LRRC61: variants seen among roughly 807,000 people sequenced by gnomAD.
LRRC61 encodes the protein leucine-rich repeat-containing protein 61.
A neutral mutation model predicts 15.1 loss-of-function variants in LRRC61; 9 were observed. The ratio of observed to expected loss-of-function variants is 0.60; its 90% CI spans 0.36 to 1.04. The LOEUF (loss-of-function observed/expected upper bound fraction) is 1.04, where lower values mean the gene tolerates loss of function less well. Among genes scored for constraint, LRRC61 ranks in the 50% least tolerant of loss-of-function variants. The pLI is 0.01. For missense variants in LRRC61, 344 were observed against 335.6 expected (o/e 1.03, Z -0.20); for synonymous variants, 173 against 158.6 (o/e 1.09, Z -0.68).
chr7:150,319,622 G>A (rs190773279), upstream of LRRC61, among the ~76,000 whole-genome samples: 1 of 152,328 alleles, frequency 6.6e-6, no homozygotes, highest in East Asian at 1.9e-4. Flanking sequence ...TGGGAAGATG[G>A]AGGCAAAGCA....
the LRRC61 span, among the ~76,000 whole-genome samples, chr7:150,309,632 C>G: frequency 6.6e-6 from 1 of 152,304 alleles, no homozygotes; most frequent in South Asian, 2.1e-4. Context: ...ATTCAAGTGC[C>G]GCAAAACTGG....
upstream of LRRC61, among the ~76,000 whole-genome samples, chr7:150,320,675 A>G (rs555977116): frequency 6.6e-6 from 1 of 152,342 alleles, no homozygotes; most frequent in Non-Finnish European, 1.5e-5. Flanking sequence ...AAGCAGGAGA[A>G]TCACTTGAAC....
chr7:150,333,820 G>T lies in LRRC61; in HGVS notation c.-144-2898G>T. On this transcript the variant is annotated intron_variant, in intron 2 of 2. Transcript: ENST00000359623. This position sits in a 1 kb window ranked among gnomAD's most constrained non-coding sequence, Gnocchi z 4.3. ...GGCAGCCTGATGGTTAGTTGGGTCT[G>T]CACAGGTGGGCGCCGGCTGGTTCTC... 1 of 867,808 alleles carries T rather than the reference G, an allele frequency of 1.2e-6. No individual in the cohort carries two copies. Among genetic ancestry groups the T allele is most frequent in the Non-Finnish European group, 1.4e-6 (1 of 722,820 alleles). The allele number at this position is 867,808 out of a possible 1,614,324, so 53.8% of individuals were successfully genotyped here.
rs1798258543 is a variant in LRRC61 at position 150,335,462 on chromosome 7, G to C, written c.-144-1256G>C. Among the ~76,000 whole-genome samples, 1 of 152,232 alleles carries C rather than the reference G, an allele frequency of 6.6e-6. No homozygotes were observed. Among genetic ancestry groups the C allele is most frequent in the African/African-American group, 2.4e-5 (1 of 41,460 alleles). ...ACAAGGACTCCCCTTTCCAGATGGG[G>C]TGTAGAGGACATAAGGATGGCAAGA... On this transcript the variant is annotated intron_variant, in intron 2 of 2. Coordinates refer to ENST00000359623, the MANE Select transcript of LRRC61 (RefSeq NM_001142928.2). This position sits in a 1 kb window ranked among gnomAD's most constrained non-coding sequence, Gnocchi z 4.3.
intron 2 of LRRC61, among the ~76,000 whole-genome samples, chr7:150,328,361 C>T (rs985278739): frequency 1.3e-5 from 2 of 152,084 alleles, no homozygotes; most frequent in Non-Finnish European, 2.9e-5. Context: ...ATTTTTCTCT[C>T]AATACAAAAA....
chr7:150,330,311 G>A lies in LRRC61; in HGVS notation c.-145+4301G>A, dbSNP rs536194361. 153 of 714,078 alleles carry A rather than the reference G, an allele frequency of 2.1e-4. No homozygotes were observed. In the Middle Eastern group the frequency reaches 3.8e-3, roughly 18 times the overall value. 44.2% of individuals were successfully genotyped at this position (714,078 alleles called of 1,614,324 possible). A position where few individuals can be genotyped will look rare whatever the true frequency, so the allele number is the denominator to read the frequency against. On this transcript the variant is annotated intron_variant, in intron 2 of 2. Coordinates refer to ENST00000359623, the MANE Select transcript of LRRC61 (RefSeq NM_001142928.2). This position sits in a 1 kb window ranked among gnomAD's most constrained non-coding sequence, Gnocchi z 4.6. ...AGCAGCAGCCCCTTCAAGAGTACAA[G>A]GGCAGGCACCAGCTGGGGAAGGCTG...
chr7:150,316,156 C>T, the LRRC61 span, among the ~76,000 whole-genome samples: 1 of 152,198 alleles, frequency 6.6e-6, no homozygotes, highest in Non-Finnish European at 1.5e-5. Context: ...GAGATCACGC[C>T]ATTGCACTCC....
chr7:150,329,431 C>G (rs779574579), intron 2 of LRRC61, among the ~76,000 whole-genome samples: 4 of 152,248 alleles, frequency 2.6e-5, no homozygotes, highest in Admixed American at 1.3e-4. Flanking sequence ...TCCCATCGCA[C>G]TGGCCTGGAG....
At chr7:150,325,623 C>A (rs1797943051) in intron 1 of LRRC61, among the ~76,000 whole-genome samples, 1 of 152,192 alleles carries the variant, frequency 6.6e-6, no homozygotes, top group Admixed American at 6.5e-5. Context: ...CAGGCCATCA[C>A]AGCTGGCTGA....
chr7:150,333,924 T>G lies in LRRC61; in HGVS notation c.-144-2794T>G. On this transcript the variant is annotated intron_variant, in intron 2 of 2. Transcript: ENST00000359623. The surrounding 1 kb of genome is among the most constrained non-coding windows in gnomAD (Gnocchi z 4.3). ...CAGAGGTCACTGACCCCCAAGAGAA[T>G]GAGGGTTATGCACGACCCATCACCA... 1 of 984,458 alleles carries G rather than the reference T, an allele frequency of 1.0e-6. No individual in the cohort carries two copies. Among genetic ancestry groups the G allele is most frequent in the Non-Finnish European group, 1.2e-6 (1 of 829,628 alleles). 61.0% of individuals were successfully genotyped at this position (984,458 alleles called of 1,614,324 possible).
Position 150,330,953 on chromosome 7 carries a change from C to A in LRRC61, c.-145+4943C>A, listed in dbSNP as rs764320737. ...TGCTGGCCTCTGAGAGAAGCGGGGG[C>A]TCGCTGTCCACCAAGAGCCACTGGG... On this transcript the variant is annotated intron_variant, in intron 2 of 2. Transcript: ENST00000359623. This position sits in a 1 kb window ranked among gnomAD's most constrained non-coding sequence, Gnocchi z 4.6. 6.2e-7 allele frequency: 1 copy of A among 1,612,046 alleles called. No homozygotes were observed. Among genetic ancestry groups the A allele is most frequent in the Non-Finnish European group, 8.5e-7 (1 of 1,179,916 alleles).
At chr7:150,331,346 G>A (rs1443684527) in intron 2 of LRRC61, 12 of 502,808 alleles carry the variant, frequency 2.4e-5, no homozygotes, top group African/African-American at 3.9e-5. Flanking sequence ...CACCCTGCCC[G>A]TGAACTCCTA....
At chr7:150,324,163 G>A (rs1797844417) in intron 1 of LRRC61, among the ~76,000 whole-genome samples, 1 of 152,106 alleles carries the variant, frequency 6.6e-6, no homozygotes, top group African/African-American at 2.4e-5. Context: ...TCTTCTCACA[G>A]ATGTTGTGGA....
In LRRC61 at chr7:150,333,163, G is replaced by A. The variant is rs373775141; in HGVS notation, c.-144-3555G>A. On this transcript the variant is annotated intron_variant, in intron 2 of 2. Coordinates refer to ENST00000359623, the MANE Select transcript of LRRC61 (RefSeq NM_001142928.2). The surrounding 1 kb of genome is among the most constrained non-coding windows in gnomAD (Gnocchi z 4.3). ...CTAGAATGGTGAGGCAGCGAGGCTC[G>A]GGAGAAGAACGTGAGAAGATTGGGT... is the stretch of plus-strand genomic sequence containing the variant. 1.5e-4 allele frequency among the ~76,000 whole-genome samples: 23 copies of A among 152,286 alleles called. No individual in the cohort carries two copies. In the South Asian group the frequency reaches 3.5e-3, roughly 23 times the overall value.
At chr7:150,332,986 C>T (rs972327523) in intron 2 of LRRC61, among the ~76,000 whole-genome samples, 4 of 152,128 alleles carry the variant, frequency 2.6e-5, no homozygotes, top group African/African-American at 4.8e-5. Context: ...GGGGAGGATC[C>T]GAGAATGTGA....
At chr7:150,331,521 C>G (rs890261998) in intron 2 of LRRC61, 2 of 185,820 alleles carry the variant, frequency 1.1e-5, no homozygotes, top group Admixed American at 5.8e-5. Flanking sequence ...TTCCATCTCC[C>G]GATTACTTCC....
chr7:150,337,282 T>A lies in LRRC61; in HGVS notation c.421T>A (p.Cys141Ser). The stretch of plus-strand genomic sequence containing the variant: ...TTTGGCCCGGCTCAGCAACCCGCTC[T>A]GTGCCAACCCCTCCTACTGGGCTGC... ...DPLARLSNPL[C>S]ANPSYWAAVR... is the part of the protein sequence containing the mutation. Residue 141 changes from cysteine to serine, a missense_variant, in exon 3 of 3, where the codon TGT becomes AGT. Cys to Ser is a moderately radical substitution (Grantham distance 112, BLOSUM62 -1). Transcript: ENST00000359623. 1 of 1,603,666 alleles carries A rather than the reference T, an allele frequency of 6.2e-7. No homozygotes were observed. Among genetic ancestry groups the A allele is most frequent in the Non-Finnish European group, 8.5e-7 (1 of 1,179,904 alleles).
the LRRC61 span, among the ~76,000 whole-genome samples, chr7:150,317,705 T>C: frequency 1.3e-5 from 2 of 151,854 alleles, no homozygotes; most frequent in African/African-American, 2.4e-5. Context: ...ATCTTTGAGG[T>C]TGAGGTGGAT....
chr7:150,336,737 A>C lies in LRRC61; in HGVS notation c.-125A>C. On this transcript the variant is annotated 5_prime_UTR_variant, in exon 3 of 3. Transcript: ENST00000359623. The stretch of plus-strand genomic sequence containing the variant: ...CCTCAGGGACTGGCTGGCTTCGAGC[A>C]GGGCATCGGAACCAGGCCTCCTGGC... 1 of 1,315,362 alleles carries C rather than the reference A, an allele frequency of 7.6e-7. No homozygotes were observed. Among genetic ancestry groups the C allele is most frequent in the Non-Finnish European group, 1.0e-6 (1 of 965,932 alleles). The allele number at this position is 1,315,362 out of a possible 1,614,324, so 81.5% of individuals were successfully genotyped here.
Sources: allele counts gnomAD v4.1 joint callset (sites outside exome capture counted in the v4.1 genomes callset), GRCh38; gene constraint gnomAD v4.1.1; non-coding constraint Gnocchi (gnomAD v3.1); transcripts MANE v1.5; gene names NCBI Gene and HGNC (gene_info 2026-07-23, HGNC 2026-07-21).